PROSER2: variants seen among roughly 807,000 people sequenced by gnomAD.
The protein encoded by PROSER2 is proline and serine-rich protein 2.
A neutral mutation model predicts 14.6 loss-of-function variants in PROSER2; 18 were observed. The ratio of observed to expected loss-of-function variants is 1.23; its 90% confidence interval spans 0.85 to 1.83. PROSER2 has a LOEUF of 1.83. PROSER2 is among the 40% of genes most tolerant of loss of function. The probability of loss-of-function intolerance (pLI) is 0.00; values close to 1 mark genes in which losing one functional copy is unlikely to be tolerated. For missense variants in PROSER2, 823 were observed against 629.8 expected, an observed-to-expected ratio of 1.31 and a Z score of -3.28; for synonymous variants, 367 against 286.4, an observed-to-expected ratio of 1.28 and a Z score of -2.84.
rs1833787523 is a variant in PROSER2 at position 11,838,168 on chromosome 10, G to C, written c.-81-13829G>C. On this transcript the variant is annotated intron_variant, in intron 1 of 3. Coordinates refer to ENST00000277570, the MANE Select transcript of PROSER2 (RefSeq NM_153256.4). This position sits in a 1 kb window ranked among gnomAD's most constrained non-coding sequence, Gnocchi z 4.4. ...GTGAGGCGGGCGGGTGTCTATTTTA[G>C]AACAATCAGGTCATGCCCCCGACAC... 6.6e-6 allele frequency among the ~76,000 whole-genome samples: 1 copy of C among 151,960 alleles called. No homozygotes were observed. Among genetic ancestry groups the C allele is most frequent in the Non-Finnish European group, 1.5e-5 (1 of 67,990 alleles).
chr10:11,825,392 T>C (rs538530720), intron 1 of PROSER2, among the ~76,000 whole-genome samples: 1 of 152,308 alleles, frequency 6.6e-6, no homozygotes, highest in South Asian at 2.1e-4. Flanking sequence ...AGGCCATCGT[T>C]GCGTTTCACT....
chr10:11,870,255 C>G lies in PROSER2; in HGVS notation c.1157C>G (p.Pro386Arg), dbSNP rs1440350205. 1 of 1,487,296 alleles carries G rather than the reference C, an allele frequency of 6.7e-7. No homozygotes were observed. Among genetic ancestry groups the G allele is most frequent in the African/African-American group, 1.5e-5 (1 of 68,068 alleles). 92.1% of individuals were successfully genotyped at this position (1,487,296 alleles called of 1,614,324 possible). ...STRARQSFPG[P>R]RQPNGAQDWR... Reference sequence around the variant, plus strand: ...CGGGCCCGTCAGAGCTTCCCCGGGCCCCGGCAGCCCAACGGCGCCCAGGAC... The same window carrying G: ...CGGGCCCGTCAGAGCTTCCCCGGGCGCCGGCAGCCCAACGGCGCCCAGGAC... Residue 386 changes from proline to arginine, a missense_variant, in exon 4 of 4, where the codon CCC becomes CGC. Transcript: ENST00000277570.
At position 11,823,873 on chromosome 10, in the gene PROSER2, C is replaced by G. The variant is rs1246003705; in HGVS notation, c.-82+403C>G. On this transcript the variant is annotated intron_variant, in intron 1 of 3. Coordinates refer to ENST00000277570, the MANE Select transcript of PROSER2 (RefSeq NM_153256.4). The surrounding 1 kb of genome is among the most constrained non-coding windows in gnomAD (Gnocchi z 6.2). ...TTTGCGCCGTGGGACCCCATGCGGC[C>G]TCGGGGAGAGGGTGCGGGTCCGACA... is the stretch of plus-strand genomic sequence containing the variant. Among the ~76,000 whole-genome samples, 1 of 152,182 alleles carries G rather than the reference C, an allele frequency of 6.6e-6. No homozygotes were observed.
In PROSER2 at chr10:11,870,003, C is replaced by G; in HGVS notation, c.905C>G (p.Ala302Gly). 1 of 1,253,610 alleles carries G rather than the reference C, an allele frequency of 8.0e-7. No individual in the cohort carries two copies. The highest frequency in any genetic ancestry group is 1.0e-6 in the Non-Finnish European group (1 of 1,000,466). The allele number at this position is 1,253,610 out of a possible 1,614,324, so 77.7% of individuals were successfully genotyped here. A position where few individuals can be genotyped will look rare whatever the true frequency, so the allele number is the denominator to read the frequency against. ...GGCGCCTTCCCCGCCGCGGGGGACGCCGGCGAGGGGGCCCCAGGGGGCGGC... is the reference window on the plus strand; with the variant it reads ...GGCGCCTTCCCCGCCGCGGGGGACGGCGGCGAGGGGGCCCCAGGGGGCGGC... ...HAGAFPAAGD[A>G]GEGAPGGGSS... The change falls in exon 4 of 4, where the codon GCC (alanine) becomes GGC (glycine). Residue 302 changes from alanine (A) to glycine (G), a missense_variant. Coordinates refer to ENST00000277570, the MANE Select transcript of PROSER2 (RefSeq NM_153256.4).
Position 11,870,209 on chromosome 10 carries a change from G to T in PROSER2, c.1111G>T (p.Gly371Cys). Reference sequence around the variant, plus strand: ...TGGGAAGTCCCTCTGCTTCCGCCCTGGCCCGGCCCTGCCCAGCACGCGGGC... The same window carrying T: ...TGGGAAGTCCCTCTGCTTCCGCCCTTGCCCGGCCCTGCCCAGCACGCGGGC... Reference protein sequence around the residue: ...PAGKSLCFRPGPALPSTRARQ... With the variant: ...PAGKSLCFRPCPALPSTRARQ... Residue 371 changes from glycine to cysteine, a missense_variant, in exon 4 of 4, where the codon GGC becomes TGC. By Grantham distance (159) the Gly-to-Cys change is radical. Coordinates refer to ENST00000277570, the MANE Select transcript of PROSER2 (RefSeq NM_153256.4). 2.0e-6 allele frequency: 3 copies of T among 1,491,012 alleles called. No homozygotes were observed. The South Asian group carries it at 3.7e-5, about 19-fold the overall frequency. The allele number at this position is 1,491,012 out of a possible 1,614,324, so 92.4% of individuals were successfully genotyped here.
intron 1 of PROSER2, among the ~76,000 whole-genome samples, chr10:11,826,974 T>C (rs916147922): frequency 6.8e-6 from 1 of 147,660 alleles, no homozygotes; most frequent in African/African-American, 2.5e-5. Flanking sequence ...AGCCTCAACC[T>C]TCCAGGCTCA....
chr10:11,858,343 G>A (rs1834163810), intron 2 of PROSER2, among the ~76,000 whole-genome samples: 1 of 152,158 alleles, frequency 6.6e-6, no homozygotes, highest in Admixed American at 6.5e-5. Context: ...ATCTGTGCTG[G>A]TATAGCAATA....
chr10:11,845,941 GC>G (rs1180497348), intron 1 of PROSER2, among the ~76,000 whole-genome samples: 1 of 152,222 alleles, frequency 6.6e-6, no homozygotes, highest in Non-Finnish European at 1.5e-5. Context: ...AACACGCTCA[GC>G]CATTGTCTCC....
intron 1 of PROSER2, among the ~76,000 whole-genome samples, chr10:11,833,094 T>A (rs1833709856): frequency 6.6e-6 from 1 of 152,156 alleles, no homozygotes; most frequent in South Asian, 2.1e-4. Flanking sequence ...TCCGCCCACC[T>A]CAGCCTCCCA....
Position 11,836,395 on chromosome 10 carries a change from C to G in PROSER2, c.-82+12925C>G, listed in dbSNP as rs920826224. Among the ~76,000 whole-genome samples the G allele has an allele frequency of 6.6e-6, 1 of 152,102 alleles. No individual in the cohort carries two copies. The highest frequency in any genetic ancestry group is 2.4e-5 in the African/African-American group (1 of 41,406). On this transcript the variant is annotated intron_variant, in intron 1 of 3. Coordinates refer to ENST00000277570, the MANE Select transcript of PROSER2 (RefSeq NM_153256.4). This position sits in a 1 kb window ranked among gnomAD's most constrained non-coding sequence, Gnocchi z 4.6. Reference sequence around the variant, plus strand: ...CATTTTTGGTAGAGATGGGGTTTCACCATGTTAGCCAGGCTGGTCTCGATC... The same window carrying G: ...CATTTTTGGTAGAGATGGGGTTTCAGCATGTTAGCCAGGCTGGTCTCGATC...
chr10:11,870,284 C>G lies in PROSER2; in HGVS notation c.1186C>G (p.Arg396Gly). 6.7e-7 allele frequency: 1 copy of G among 1,493,772 alleles called. No homozygotes were observed. Among genetic ancestry groups the G allele is most frequent in the South Asian group, 1.3e-5 (1 of 79,902 alleles). The allele number at this position is 1,493,772 out of a possible 1,614,324, so 92.5% of individuals were successfully genotyped here. ...PRQPNGAQDWRRADSLPRPQG... is the reference protein window; with the variant it reads ...PRQPNGAQDWGRADSLPRPQG... The stretch of plus-strand genomic sequence containing the variant: ...GCAGCCCAACGGCGCCCAGGACTGG[C>G]GCCGCGCAGACTCCCTGCCCCGGCC... Residue 396 changes from arginine to glycine, a missense_variant, in exon 4 of 4, where the codon CGC (arginine) becomes GGC (glycine). Transcript: ENST00000277570.
intron 1 of PROSER2, among the ~76,000 whole-genome samples, chr10:11,845,325 A>G (rs940116221): frequency 1.3e-5 from 2 of 151,980 alleles, no homozygotes; most frequent in Non-Finnish European, 2.9e-5. Flanking sequence ...CCTTTTAACT[A>G]CGGTTTTGAG....
In PROSER2 at chr10:11,866,479, A is replaced by C. The variant is rs1834350082; in HGVS notation, c.139-52A>C. 6.9e-6 allele frequency: 11 copies of C among 1,597,870 alleles called. No individual in the cohort carries two copies. In the East Asian group the frequency reaches 2.2e-4, roughly 32 times the overall value. On this transcript the variant is annotated intron_variant, in intron 2 of 3. Coordinates refer to ENST00000277570, the MANE Select transcript of PROSER2 (RefSeq NM_153256.4). The surrounding 1 kb of genome is among the most constrained non-coding windows in gnomAD (Gnocchi z 6.0). ...ACTTTGCTTCAGCTTTTGTCTCTTT[A>C]GTGAAGCCAGTGTTTGTTTTCTCTC...
chr10:11,827,972 C>G (rs1384361851), intron 1 of PROSER2, among the ~76,000 whole-genome samples: 1 of 152,122 alleles, frequency 6.6e-6, no homozygotes, highest in Non-Finnish European at 1.5e-5. Context: ...GCCACCTTCT[C>G]TTTTTGATAC....
rs200231664 is a variant in PROSER2 at position 11,869,745 on chromosome 10, C to G, written c.647C>G (p.Pro216Arg). ...AACGAAGCCCTCTCGCCCACCTCCC[C>G]GTTCAGGGAGGGCCGGCCCGGGGAG... ...AGNEALSPTS[P>R]FREGRPGEWR... The change falls in exon 4 of 4, where the codon CCG becomes CGG. Residue 216 changes from proline (P) to arginine (R), a missense_variant. Coordinates refer to ENST00000277570, the MANE Select transcript of PROSER2 (RefSeq NM_153256.4). This position sits in a 1 kb window ranked among gnomAD's most constrained non-coding sequence, Gnocchi z 4.4. The G allele has an allele frequency of 1.3e-6, 2 of 1,584,854 alleles. No homozygotes were observed. The highest frequency in any genetic ancestry group is 8.6e-7 in the Non-Finnish European group (1 of 1,166,938).
rs1834469789 is a variant in PROSER2 at position 11,870,681 on chromosome 10, G to C, written c.*275G>C. On this transcript the variant is annotated 3_prime_UTR_variant, in exon 4 of 4. Transcript: ENST00000277570. Reference sequence around the variant, plus strand: ...AGAACTGAGAGAGAGAGAATAACCTGTTAGACCCATAGGTTTCCGTGATGT... The same window carrying C: ...AGAACTGAGAGAGAGAGAATAACCTCTTAGACCCATAGGTTTCCGTGATGT... 5 of 379,678 alleles carry C rather than the reference G, an allele frequency of 1.3e-5. No homozygotes were observed. The Admixed American group carries it at 1.4e-4, about 11-fold the overall frequency. The allele number at this position is 379,678 out of a possible 1,614,324, so 23.5% of individuals were successfully genotyped here.
At position 11,826,816 on chromosome 10, in the gene PROSER2, G is replaced by A. The variant is rs539581746; in HGVS notation, c.-82+3346G>A. On this transcript the variant is annotated intron_variant, in intron 1 of 3. Transcript: ENST00000277570. ...AGGATGGTCTTGATCTCCTGACCTCGTGATCCGCCGGCTTCGGCCTCCCAA... is the reference window on the plus strand; with the variant it reads ...AGGATGGTCTTGATCTCCTGACCTCATGATCCGCCGGCTTCGGCCTCCCAA... Among the ~76,000 whole-genome samples the A allele has an allele frequency of 4.0e-5, 6 of 151,520 alleles. No homozygotes were observed. In the East Asian group the frequency reaches 1.2e-3, roughly 29 times the overall value.
intron 1 of PROSER2, among the ~76,000 whole-genome samples, chr10:11,824,506 G>A (rs1833584408): frequency 6.6e-6 from 1 of 152,120 alleles, no homozygotes. Flanking sequence ...TCCAAGTTCC[G>A]TGTCTGAATG....
In PROSER2 at chr10:11,865,532, A is replaced by C. The variant is rs59154768; in HGVS notation, c.139-999A>C. 3.8e-3 allele frequency among the ~76,000 whole-genome samples: 580 copies of C among 152,220 alleles called. 4 individuals carry two copies. The highest frequency in any genetic ancestry group is 0.013 in the African/African-American group (533 of 41,534). On this transcript the variant is annotated intron_variant, in intron 2 of 3. Coordinates refer to ENST00000277570, the MANE Select transcript of PROSER2 (RefSeq NM_153256.4). This position sits in a 1 kb window ranked among gnomAD's most constrained non-coding sequence, Gnocchi z 4.2. ...CATACTCCAGAGTAGGACAGTAAGA[A>C]ACTGCTGCGCAGTTCTACACTGGGA...
Sources: gnomAD v4.1 joint callset for allele counts (sites outside exome capture counted in the v4.1 genomes callset) on GRCh38, gnomAD v4.1.1 for gene constraint, Gnocchi (gnomAD v3.1) non-coding constraint, MANE v1.5 for transcripts, NCBI Gene and HGNC (gene_info 2026-07-23, HGNC 2026-07-21) for gene names.